The following VNN1 variants were observed in gnomAD, a reference collection of about 807,000 sequenced individuals.
The protein encoded by VNN1 is pantetheinase.
VNN1 carries 29 observed loss-of-function variants against 41.9 expected under a neutral mutation model. The ratio of observed to expected loss-of-function variants is 0.69; its 90% CI spans 0.52 to 0.94. The LOEUF is 0.94. Among genes scored for constraint, VNN1 ranks in the 40% least tolerant of loss-of-function variants. The pLI is 0.00. For synonymous variants in VNN1, 233 were observed against 224.4 expected, an observed-to-expected ratio of 1.04 and a Z score of -0.34; for missense variants, 637 against 621.1, an observed-to-expected ratio of 1.03 and a Z score of -0.27.
chr6:132,700,201 G>A (rs778081354), intron 2 of VNN1, among the ~76,000 whole-genome samples: 11 of 152,166 alleles, frequency 7.2e-5, no homozygotes, highest in Admixed American at 1.3e-4. Context: ...CTGTCAGGGT[G>A]TTTTGACACT....
chr6:132,713,140 C>T (rs1778628174), intron 1 of VNN1, among the ~76,000 whole-genome samples: 1 of 152,092 alleles, frequency 6.6e-6, no homozygotes, highest in African/African-American at 2.4e-5. Flanking sequence ...AACTCAACAA[C>T]ACAAAAGAAT....
At chr6:132,694,210 AT>A in intron 2 of VNN1, 28 bp from the exon 3 acceptor site, 1 of 1,535,488 alleles carries the variant, frequency 6.5e-7, no homozygotes. Context: ...GAGGAAAAAA[AT>A]CTTTGTAAAT....
At position 132,711,734 on chromosome 6, in the gene VNN1, A is replaced by T. The variant is rs1562222079; in HGVS notation, c.316T>A (p.Trp106Arg). 6.2e-7 allele frequency: 1 copy of T among 1,613,458 alleles called. No individual in the cohort carries two copies. Among genetic ancestry groups the T allele is most frequent in the East Asian group, 2.2e-5 (1 of 44,858 alleles). ...LEDIPDPEVN[W>R]IPCNNRNRFG... The stretch of plus-strand genomic sequence containing the variant: ...CTGTTACGATTATTACAGGGGATCC[A>T]GTTTACTTCAGGGTCTGGGATGTCC... Residue 106 changes from tryptophan (W) to arginine (R), a missense_variant, in exon 2 of 7, where the codon TGG becomes AGG. Trp to Arg is a moderately radical substitution (Grantham distance 101, BLOSUM62 -3). Transcript: ENST00000367928.
At chr6:132,710,604 T>A (rs969219536) in intron 2 of VNN1, among the ~76,000 whole-genome samples, 1 of 152,178 alleles carries the variant, frequency 6.6e-6, no homozygotes, top group African/African-American at 2.4e-5. Flanking sequence ...CTCCCACTTA[T>A]GAGCGAGAAC....
chr6:132,685,087 T>C (rs985767495), intron 5 of VNN1, among the ~76,000 whole-genome samples: 1 of 152,222 alleles, frequency 6.6e-6, no homozygotes, highest in Admixed American at 6.5e-5. Flanking sequence ...ATAAAAGAGC[T>C]TCAGAGTTGT....
intron 2 of VNN1, among the ~76,000 whole-genome samples, chr6:132,709,704 A>G (rs1401455238): frequency 6.6e-6 from 1 of 151,896 alleles, no homozygotes; most frequent in Non-Finnish European, 1.5e-5. Flanking sequence ...GAATTAAGGC[A>G]AGACATTCAG....
At chr6:132,711,867 G>T in intron 1 of VNN1, 28 bp from the exon 2 acceptor site, 2 of 1,610,466 alleles carry the variant, frequency 1.2e-6, no homozygotes, top group Middle Eastern at 1.7e-4. Context: ...TAATCCAAAG[G>T]GGGGCCTGCA....
chr6:132,693,379 G>A, intron 3 of VNN1, 64 bp from the exon 4 acceptor site: 1 of 1,439,814 alleles, frequency 6.9e-7, no homozygotes, highest in Non-Finnish European at 9.3e-7. Context: ...ACATCACAGT[G>A]TGGGAAAAAG....
intron 2 of VNN1, among the ~76,000 whole-genome samples, chr6:132,701,916 C>T (rs1283548960): frequency 6.6e-6 from 1 of 152,210 alleles, no homozygotes; most frequent in Non-Finnish European, 1.5e-5. Flanking sequence ...CAGAAAGCAA[C>T]ATGGCACAGA....
intron 2 of VNN1, among the ~76,000 whole-genome samples, chr6:132,697,380 A>G (rs769009809): frequency 6.6e-5 from 10 of 152,156 alleles, no homozygotes; most frequent in Admixed American, 5.9e-4. Context: ...GCCATTGTTC[A>G]AATAAGAGGT....
intron 2 of VNN1, among the ~76,000 whole-genome samples, chr6:132,705,395 C>T (rs965841392): frequency 6.6e-6 from 1 of 152,170 alleles, no homozygotes; most frequent in South Asian, 2.1e-4. Flanking sequence ...TGTGGCACAT[C>T]ATATCAACAG....
intron 2 of VNN1, among the ~76,000 whole-genome samples, chr6:132,700,670 C>A (rs1249785571): frequency 6.6e-6 from 1 of 152,160 alleles, no homozygotes; most frequent in African/African-American, 2.4e-5. Context: ...ATGAAATGGA[C>A]ATGCTCCCTC....
chr6:132,700,172 C>T (rs1413529486), intron 2 of VNN1, among the ~76,000 whole-genome samples: 1 of 152,138 alleles, frequency 6.6e-6, no homozygotes, highest in Non-Finnish European at 1.5e-5. Context: ...AGATGGTCTC[C>T]ACATTGGGTT....
At position 132,681,415 on chromosome 6, in the gene VNN1, C is replaced by T. The variant is rs1250661024; in HGVS notation, c.*1725G>A. On this transcript the variant is annotated 3_prime_UTR_variant, in exon 7 of 7. Transcript: ENST00000367928. The stretch of plus-strand genomic sequence containing the variant: ...TGGGGACAAGTTAACTACAACTTTC[C>T]AAAGGCCCTGATCCAGAACAACTCC... Among the ~76,000 whole-genome samples the T allele has an allele frequency of 6.6e-6, 1 of 152,128 alleles. No homozygotes were observed. The highest frequency in any genetic ancestry group is 6.5e-5 in the Admixed American group (1 of 15,270).
In VNN1 at chr6:132,684,359, A is replaced by G. The variant is rs191163181; in HGVS notation, c.1335T>C (p.Asn445=). The G allele has an allele frequency of 2.3e-5, 37 of 1,612,612 alleles. No homozygotes were observed. In the African/African-American group the frequency reaches 4.3e-4, roughly 19 times the overall value. ...CCTGAAATTCTCCAGGTGCAAGCTG[A>G]TTTTCACTCAGCAACACCTCAGGAA... ...YVFPEVLLSE[N]QLAPGEFQVS... is the part of the protein sequence containing the mutation. The change falls in exon 6 of 7, where the codon AAT becomes AAC. Residue 445 remains asparagine, a synonymous_variant. Coordinates refer to ENST00000367928, the MANE Select transcript of VNN1 (RefSeq NM_004666.3).
intron 2 of VNN1, among the ~76,000 whole-genome samples, chr6:132,698,063 A>C (rs1436228822): frequency 1.3e-5 from 2 of 152,240 alleles, no homozygotes; most frequent in Non-Finnish European, 2.9e-5. Flanking sequence ...TGTTTGGCGT[A>C]TACATAAAAT....
intron 2 of VNN1, among the ~76,000 whole-genome samples, chr6:132,695,504 A>G (rs374725139): frequency 5.9e-5 from 9 of 152,166 alleles, no homozygotes; most frequent in Admixed American, 3.9e-4. Flanking sequence ...CGAGATCTGC[A>G]TTCTGATCAC....
At chr6:132,704,274 A>G (rs557205063) in intron 2 of VNN1, among the ~76,000 whole-genome samples, 16 of 152,170 alleles carry the variant, frequency 1.1e-4, no homozygotes, top group African/African-American at 3.9e-4. Context: ...TCTCCCCAGC[A>G]CATGGATCAT....
chr6:132,710,918 C>G (rs1003610800), intron 2 of VNN1, among the ~76,000 whole-genome samples: 7 of 152,202 alleles, frequency 4.6e-5, no homozygotes, highest in African/African-American at 7.2e-5. Context: ...AATGGTATTT[C>G]TGGTTCTAGA....
Sources: gnomAD v4.1 joint callset for allele counts (sites outside exome capture counted in the v4.1 genomes callset) on GRCh38, gnomAD v4.1.1 for gene constraint, MANE v1.5 for transcripts, NCBI Gene and HGNC (gene_info 2026-07-23, HGNC 2026-07-21) for gene names.